PRKG1: variants seen among roughly 807,000 people sequenced by gnomAD.
PRKG1 encodes the protein protein kinase cGMP-dependent 1, also known as cGMP-dependent protein kinase 1.
PRKG1 carries 35 observed loss-of-function variants against 88.1 expected under a neutral mutation model. The ratio of observed to expected loss-of-function variants is 0.40; its 90% CI spans 0.30 to 0.53. The LOEUF is 0.53. PRKG1 is among the 20% of genes least tolerant of loss of function. The pLI, the probability that PRKG1 is intolerant of heterozygous loss-of-function variation, is 0.59. For synonymous variants in PRKG1, 303 were observed against 292.5 expected (o/e 1.04, Z -0.37); for missense variants, 540 against 839.8 (o/e 0.64, Z 4.41).
At chr10:51,083,659 A>G (rs1030718674) in intron 1 of PRKG1, among the ~76,000 whole-genome samples, 3 of 152,174 alleles carry the variant, frequency 2.0e-5, no homozygotes, top group African/African-American at 7.2e-5. Flanking sequence ...GCTTGGTTTA[A>G]GTGGACAGAT....
At chr10:52,091,968 G>A (rs1847067171) in intron 7 of PRKG1, among the ~76,000 whole-genome samples, 1 of 152,148 alleles carries the variant, frequency 6.6e-6, no homozygotes, top group Non-Finnish European at 1.5e-5. Flanking sequence ...GGGCTGACTT[G>A]ATGTCACGGT....
At chr10:51,570,894 T>C (rs990933350) in intron 3 of PRKG1, among the ~76,000 whole-genome samples, 1 of 152,000 alleles carries the variant, frequency 6.6e-6, no homozygotes, top group African/African-American at 2.4e-5. Context: ...CTAATGGAAC[T>C]GTAACCCATC....
intron 3 of PRKG1, among the ~76,000 whole-genome samples, chr10:51,493,632 A>G (rs2132876069): frequency 6.6e-6 from 1 of 152,264 alleles, no homozygotes; most frequent in African/African-American, 2.4e-5. Context: ...CAATTGTAGG[A>G]AATGCAATGG....
At chr10:52,015,439 C>A (rs1030473171) in intron 5 of PRKG1, among the ~76,000 whole-genome samples, 3 of 152,194 alleles carry the variant, frequency 2.0e-5, no homozygotes, top group African/African-American at 7.2e-5. Context: ...GGTCTTGGGC[C>A]AGGCCCACAA....
chr10:52,134,996 C>T (rs950609289), intron 8 of PRKG1, among the ~76,000 whole-genome samples: 14 of 152,016 alleles, frequency 9.2e-5, no homozygotes, highest in African/African-American at 3.1e-4. Flanking sequence ...TGAGAATCTC[C>T]CATGTGCAAA....
At chr10:52,188,754 A>G (rs185517447) in intron 9 of PRKG1, among the ~76,000 whole-genome samples, 3 of 152,204 alleles carry the variant, frequency 2.0e-5, no homozygotes, top group Non-Finnish European at 2.9e-5. Context: ...AGTTGAATCC[A>G]AAGAGCAGAA....
intron 2 of PRKG1, among the ~76,000 whole-genome samples, chr10:51,301,153 C>A (rs1366897433): frequency 6.6e-6 from 1 of 152,166 alleles, no homozygotes; most frequent in Non-Finnish European, 1.5e-5. Flanking sequence ...AACTGGCCGT[C>A]CAAAATCATC....
At chr10:52,106,108 A>G (rs565084180) in intron 7 of PRKG1, among the ~76,000 whole-genome samples, 3 of 152,330 alleles carry the variant, frequency 2.0e-5, no homozygotes, top group Admixed American at 6.5e-5. Context: ...ACTTAAAATA[A>G]TAGTCTCCAA....
chr10:51,752,377 C>T (rs1212338510), intron 3 of PRKG1, among the ~76,000 whole-genome samples: 1 of 152,192 alleles, frequency 6.6e-6, no homozygotes, highest in African/African-American at 2.4e-5. Context: ...CTTTTGTCTC[C>T]TCTAATCTCC....
chr10:51,976,810 T>C (rs974021395), intron 5 of PRKG1, among the ~76,000 whole-genome samples: 4 of 152,026 alleles, frequency 2.6e-5, no homozygotes, highest in Non-Finnish European at 4.4e-5. Flanking sequence ...GATAGACAAC[T>C]CATTAGGAAA....
At chr10:51,469,961 T>A (rs1477922477) in intron 3 of PRKG1, among the ~76,000 whole-genome samples, 1 of 151,898 alleles carries the variant, frequency 6.6e-6, no homozygotes, top group Non-Finnish European at 1.5e-5. Context: ...GCATGAATAA[T>A]GTTTGTTTAT....
chr10:51,795,050 T>A (rs1355021773), intron 3 of PRKG1, among the ~76,000 whole-genome samples: 1 of 152,146 alleles, frequency 6.6e-6, no homozygotes, highest in East Asian at 1.9e-4. Flanking sequence ...ATATTTGTAC[T>A]AAAATCATTA....
rs1448923530 is a variant in PRKG1, at chr10:51,093,128, G to A, written c.311+18227G>A. ...AACCTAAAAGATATAGAGACCCTGC[G>A]GTTCTCAAAGTGTGAGCCCTGGACA... is the stretch of plus-strand genomic sequence containing the variant. On this transcript the variant is annotated intron_variant, in intron 1 of 17. Coordinates refer to ENST00000373980, the MANE Select transcript of PRKG1 (RefSeq NM_006258.4). Among the ~76,000 whole-genome samples the A allele has an allele frequency of 2.6e-5, 4 of 152,194 alleles. No individual in the cohort carries two copies. The South Asian group carries it at 8.3e-4, about 31-fold the overall frequency.
intron 7 of PRKG1, among the ~76,000 whole-genome samples, chr10:52,072,083 C>A (rs534698815): frequency 4.1e-5 from 6 of 146,938 alleles, no homozygotes; most frequent in South Asian, 2.3e-4. Flanking sequence ...GACTCCTGTG[C>A]GGCTCCAGCT....
chr10:51,465,440 A>G (rs1053365144), intron 2 of PRKG1, among the ~76,000 whole-genome samples: 2 of 152,186 alleles, frequency 1.3e-5, no homozygotes, highest in African/African-American at 2.4e-5. Context: ...TTTTAGATCT[A>G]TTAGTATAAT....
chr10:51,434,858 T>C (rs1395446242), intron 2 of PRKG1, among the ~76,000 whole-genome samples: 1 of 152,126 alleles, frequency 6.6e-6, no homozygotes, highest in Non-Finnish European at 1.5e-5. Flanking sequence ...AAGAATGTGC[T>C]AAATGGATCT....
At chr10:52,029,242 C>G (rs1218280665) in intron 5 of PRKG1, among the ~76,000 whole-genome samples, 2 of 152,196 alleles carry the variant, frequency 1.3e-5, no homozygotes, top group African/African-American at 4.8e-5. Context: ...CACACAGTCT[C>G]TCTTTTCCAC....
At chr10:52,142,061 A>G (rs377059872) in intron 8 of PRKG1, among the ~76,000 whole-genome samples, 1 of 152,176 alleles carries the variant, frequency 6.6e-6, no homozygotes, top group Admixed American at 6.6e-5. Flanking sequence ...GGGTATTCAC[A>G]TTCTTACACT....
At chr10:51,737,888 T>C (rs1038808602) in intron 3 of PRKG1, among the ~76,000 whole-genome samples, 1 of 151,668 alleles carries the variant, frequency 6.6e-6, no homozygotes, top group Non-Finnish European at 1.5e-5. Context: ...CTCAGCCTCC[T>C]GAGTAGCTGG....
Sources: gnomAD v4.1 joint callset for allele counts (sites outside exome capture counted in the v4.1 genomes callset) on GRCh38, gnomAD v4.1.1 for gene constraint, MANE v1.5 for transcripts, NCBI Gene and HGNC (gene_info 2026-07-23, HGNC 2026-07-21) for gene names.